The following DPP6 variants were observed in gnomAD, a reference collection of about 807,000 sequenced individuals.
The protein encoded by DPP6 is A-type potassium channel modulatory protein DPP6.
DPP6 carries 69 observed loss-of-function variants against 122.6 expected under a neutral mutation model. That is an observed-to-expected ratio of 0.56 (90% CI 0.46 to 0.69). The LOEUF (loss-of-function observed/expected upper bound fraction) is 0.69, where lower values mean the gene tolerates loss of function less well. Ranked by LOEUF, DPP6 falls within the 30% of genes least tolerant of loss-of-function variation. The pLI is 0.00. For synonymous variants in DPP6, 418 were observed against 433.1 expected (o/e 0.97, Z 0.43); for missense variants, 928 against 1,116.9 (o/e 0.83, Z 2.41).
chr7:154,530,106 CAGAGTGAGACTCTGTCTCAAA>C (rs1827720003), intron 3 of DPP6, among the ~76,000 whole-genome samples: 1 of 146,780 alleles, frequency 6.8e-6, no homozygotes, highest in African/African-American at 2.5e-5. Flanking sequence ...GCCAGGGTGT[CAGAGTGAGACTCTGTCTCAAA>C]AGAAAAAAAA....
the DPP6 span, among the ~76,000 whole-genome samples, chr7:153,801,736 G>A: frequency 4.6e-5 from 7 of 152,294 alleles, no homozygotes; most frequent in African/African-American, 1.4e-4. Context: ...GTGGAAAACC[G>A]TGGAACTTCT....
At chr7:154,884,720 TACAC>T (rs1362955763) in intron 21 of DPP6, 1 of 146,984 alleles carries the variant, frequency 6.8e-6, no homozygotes, top group Non-Finnish European at 1.5e-5. Context: ...TGATCACACA[TACAC>T]AGGCTTGCAC....
chr7:154,472,778 G>A (rs1178454291), intron 2 of DPP6, among the ~76,000 whole-genome samples: 2 of 152,190 alleles, frequency 1.3e-5, no homozygotes, highest in Non-Finnish European at 2.9e-5. Context: ...AGGAGACAGA[G>A]CTAATTAAGG....
At chr7:154,553,096 T>C (rs1363307775) in intron 4 of DPP6, among the ~76,000 whole-genome samples, 1 of 152,070 alleles carries the variant, frequency 6.6e-6, no homozygotes, top group Non-Finnish European at 1.5e-5. Context: ...CTGTAACCAA[T>C]AAGAAAGGGG....
intron 1 of DPP6, among the ~76,000 whole-genome samples, chr7:154,412,059 T>C (rs1379736959): frequency 6.6e-6 from 1 of 152,126 alleles, no homozygotes; most frequent in East Asian, 1.9e-4. Context: ...CCAACTTCAA[T>C]AGCACCTCCT....
intron 1 of DPP6, among the ~76,000 whole-genome samples, chr7:154,445,360 T>C (rs1009356945): frequency 5.9e-5 from 9 of 152,222 alleles, no homozygotes; most frequent in Admixed American, 3.9e-4. Flanking sequence ...TATCAAGCAT[T>C]CATATGATCC....
At chr7:154,263,113 TA>T (rs1803146146) in intron 1 of DPP6, among the ~76,000 whole-genome samples, 1 of 152,210 alleles carries the variant, frequency 6.6e-6, no homozygotes. Context: ...ATAACCATGA[TA>T]TAGATAACCA....
intron 7 of DPP6, among the ~76,000 whole-genome samples, chr7:154,711,945 C>CACACACA (rs1554443046): frequency 6.7e-6 from 1 of 149,796 alleles, no homozygotes; most frequent in East Asian, 1.9e-4. Flanking sequence ...TTAATACACA[C>CACACACA]ACACACACAC....
In DPP6 at chr7:154,403,806, G is replaced by A. The variant is rs1261290774; in HGVS notation, c.244-42408G>A. ...GTTCTCAATACCTCGGGGTGTAAAGGACAGCTCTTTATTTGGCTGTGAATA... is the reference window on the plus strand; with the variant it reads ...GTTCTCAATACCTCGGGGTGTAAAGAACAGCTCTTTATTTGGCTGTGAATA... On this transcript the variant is annotated intron_variant, in intron 1 of 25. Coordinates refer to ENST00000377770, the MANE Select transcript of DPP6 (RefSeq NM_130797.4). This position sits in a 1 kb window ranked among gnomAD's most constrained non-coding sequence, Gnocchi z 4.1. Among the ~76,000 whole-genome samples the A allele has an allele frequency of 1.3e-5, 2 of 152,196 alleles. No individual in the cohort carries two copies. The highest frequency in any genetic ancestry group is 2.4e-5 in the African/African-American group (1 of 41,450).
chr7:154,667,192 A>T (rs1370212864), intron 6 of DPP6, among the ~76,000 whole-genome samples: 2 of 149,604 alleles, frequency 1.3e-5, no homozygotes, highest in African/African-American at 2.5e-5. Context: ...TTATAACCAC[A>T]TTTTTCAAAG....
At chr7:154,377,727 G>A (rs539798436) in intron 1 of DPP6, among the ~76,000 whole-genome samples, 14 of 152,266 alleles carry the variant, frequency 9.2e-5, no homozygotes, top group East Asian at 1.9e-4. Flanking sequence ...CTCCCCAGCC[G>A]TGTGAAACGT....
intron 10 of DPP6, among the ~76,000 whole-genome samples, chr7:154,778,484 G>A (rs1007620095): frequency 1.3e-5 from 2 of 151,816 alleles, no homozygotes; most frequent in African/African-American, 4.8e-5. Context: ...CGAGTTTTGG[G>A]AAAGCTGAGG....
chr7:154,677,336 C>T (rs1838976379), intron 7 of DPP6, among the ~76,000 whole-genome samples: 1 of 152,208 alleles, frequency 6.6e-6, no homozygotes, highest in East Asian at 1.9e-4. Flanking sequence ...AGAACCGTGT[C>T]TTGACACTTT....
chr7:154,650,625 G>A (rs1466680609), intron 6 of DPP6, among the ~76,000 whole-genome samples: 1 of 152,182 alleles, frequency 6.6e-6, no homozygotes, highest in Non-Finnish European at 1.5e-5. Context: ...ATTGAGTCGA[G>A]CTGTCTGGCT....
At chr7:154,803,642 G>A (rs1798513299) in intron 13 of DPP6, among the ~76,000 whole-genome samples, 1 of 152,224 alleles carries the variant, frequency 6.6e-6, no homozygotes, top group South Asian at 2.1e-4. Flanking sequence ...TCCCACCACT[G>A]ACATTCGGGG....
chr7:154,397,190 T>C (rs1815164543), intron 1 of DPP6, among the ~76,000 whole-genome samples: 1 of 150,856 alleles, frequency 6.6e-6, no homozygotes, highest in South Asian at 2.1e-4. Flanking sequence ...TTAAATAATA[T>C]AAAATAAGGT....
At chr7:154,302,529 G>C (rs1384009025) in intron 1 of DPP6, among the ~76,000 whole-genome samples, 1 of 152,188 alleles carries the variant, frequency 6.6e-6, no homozygotes, top group East Asian at 1.9e-4. Context: ...ATGACAGATG[G>C]GTGAATGGCA....
chr7:153,984,777 G>A (rs1369575113), intron 1 of DPP6, among the ~76,000 whole-genome samples: 1 of 152,178 alleles, frequency 6.6e-6, no homozygotes, highest in African/African-American at 2.4e-5. Context: ...CTTTTTATAT[G>A]TGGAGTGCTC....
intron 1 of DPP6, among the ~76,000 whole-genome samples, chr7:154,060,420 AC>A (rs1204231290): frequency 8.0e-6 from 1 of 124,924 alleles, no homozygotes; most frequent in Admixed American, 7.6e-5. Context: ...GGGGGGAGGC[AC>A]CCCCCGCGAG....
Sources: allele counts gnomAD v4.1 joint callset (sites outside exome capture counted in the v4.1 genomes callset), GRCh38; gene constraint gnomAD v4.1.1; non-coding constraint Gnocchi (gnomAD v3.1); transcripts MANE v1.5; gene names NCBI Gene and HGNC (gene_info 2026-07-23, HGNC 2026-07-21).